Variants in CSMD1 observed in about 807,000 individuals in gnomAD.
The protein encoded by CSMD1 is CUB and sushi domain-containing protein 1.
In CSMD1, 213 loss-of-function variants were observed where a neutral mutation model predicts 417.5. That is an observed-to-expected ratio of 0.51 (90% CI 0.46 to 0.57). The LOEUF (loss-of-function observed/expected upper bound fraction) is 0.57, where lower values mean the gene tolerates loss of function less well. CSMD1 is among the 20% of genes least tolerant of loss of function. The pLI is 0.00. For missense variants in CSMD1, 6,923 were observed against 4,529.7 expected (o/e 1.53, Z -15.17); for synonymous variants, 2,862 against 1,736.8 (o/e 1.65, Z -16.11).
intron 2 of CSMD1, among the ~76,000 whole-genome samples, chr8:4,452,166 C>G (rs1225011203): frequency 6.6e-6 from 1 of 152,060 alleles, no homozygotes; most frequent in African/African-American, 2.4e-5. Flanking sequence ...GTTTCCATGC[C>G]TCTTCCTTCT....
chr8:4,177,062 T>G (rs764585937), intron 3 of CSMD1, among the ~76,000 whole-genome samples: 6 of 152,100 alleles, frequency 3.9e-5, no homozygotes, highest in East Asian at 3.9e-4. Flanking sequence ...ATTGAACTCA[T>G]CTCTGCACCA....
At chr8:4,959,455 A>G (rs961174947) in intron 1 of CSMD1, among the ~76,000 whole-genome samples, 3 of 152,238 alleles carry the variant, frequency 2.0e-5, no homozygotes, top group Admixed American at 2.0e-4. Context: ...CTAACCATGC[A>G]CAGAGAGGCA....
At chr8:3,490,874 A>G (rs2406293) in intron 11 of CSMD1, among the ~76,000 whole-genome samples, 1 of 135,894 alleles carries the variant, frequency 7.4e-6, no homozygotes, top group Non-Finnish European at 1.6e-5. Context: ...AAAAGAAAAA[A>G]ATTTTTTTTT....
chr8:4,854,449 C>G (rs1801672105), intron 1 of CSMD1, among the ~76,000 whole-genome samples: 1 of 152,146 alleles, frequency 6.6e-6, no homozygotes, highest in Non-Finnish European at 1.5e-5. Context: ...TCTACAGCTC[C>G]CACTGTGAGC....
chr8:4,291,585 A>G (rs542796034), intron 3 of CSMD1, among the ~76,000 whole-genome samples: 2 of 152,190 alleles, frequency 1.3e-5, no homozygotes, highest in African/African-American at 4.8e-5. Context: ...CTGAAGCGTA[A>G]TATTTAATTT....
chr8:3,942,202 G>A lies in CSMD1; in HGVS notation c.818+55701C>T, dbSNP rs185006964. 2.2e-3 allele frequency among the ~76,000 whole-genome samples: 329 copies of A among 151,980 alleles called. 2 individuals are homozygous for A. The highest frequency in any genetic ancestry group is 6.8e-3 in the Middle Eastern group (2 of 294). ...TGGGCTCCCACTGATTCTACATTATGGTGACTTGTATTATTTTCATCATAT... is the reference window on the plus strand; with the variant it reads ...TGGGCTCCCACTGATTCTACATTATAGTGACTTGTATTATTTTCATCATAT... On this transcript the variant is annotated intron_variant, in intron 5 of 69. Coordinates refer to ENST00000635120, the MANE Select transcript of CSMD1 (RefSeq NM_033225.6).
intron 7 of CSMD1, among the ~76,000 whole-genome samples, chr8:3,704,298 T>C (rs916586303): frequency 2.0e-5 from 3 of 152,086 alleles, no homozygotes; most frequent in African/African-American, 7.2e-5. Flanking sequence ...AGCCTTCTGT[T>C]CTTTGCGTGA....
chr8:3,319,606 A>T (rs1487367162), intron 23 of CSMD1, among the ~76,000 whole-genome samples: 1 of 152,230 alleles, frequency 6.6e-6, no homozygotes, highest in East Asian at 1.9e-4. Context: ...ACTTTTAAAA[A>T]GAAACATGAG....
At chr8:3,626,581 T>C (rs889187058) in intron 7 of CSMD1, among the ~76,000 whole-genome samples, 2 of 151,578 alleles carry the variant, frequency 1.3e-5, no homozygotes, top group Non-Finnish European at 2.9e-5. Flanking sequence ...TGTCATTCCC[T>C]AGATTTAGAA....
chr8:3,498,516 G>A (rs949436031), intron 10 of CSMD1, among the ~76,000 whole-genome samples: 10 of 152,150 alleles, frequency 6.6e-5, no homozygotes, highest in Admixed American at 6.5e-4. Flanking sequence ...TGATCTTTGA[G>A]CTTCCTGGAT....
intron 10 of CSMD1, among the ~76,000 whole-genome samples, chr8:3,510,742 C>T (rs1797030107): frequency 7.9e-5 from 12 of 151,772 alleles, no homozygotes; most frequent in Admixed American, 7.2e-4. Context: ...TTTTGATTTG[C>T]ATTTCTGTAA....
chr8:4,113,551 C>T (rs879657160), intron 3 of CSMD1, among the ~76,000 whole-genome samples: 6 of 151,950 alleles, frequency 3.9e-5, no homozygotes, highest in Admixed American at 2.6e-4. Context: ...ATTACAGGCA[C>T]GTGCCAGCAC....
At chr8:3,877,738 C>T (rs774000122) in intron 5 of CSMD1, among the ~76,000 whole-genome samples, 1 of 152,020 alleles carries the variant, frequency 6.6e-6, no homozygotes, top group Admixed American at 6.6e-5. Context: ...CAAGTTTGAC[C>T]GTTAATAATT....
At chr8:3,859,996 C>G (rs1394887345) in intron 5 of CSMD1, among the ~76,000 whole-genome samples, 4 of 151,998 alleles carry the variant, frequency 2.6e-5, no homozygotes, top group African/African-American at 9.7e-5. Context: ...TTTGGGAAAC[C>G]CAAACTTGGA....
intron 2 of CSMD1, among the ~76,000 whole-genome samples, chr8:4,563,325 C>A (rs1447775357): frequency 6.6e-6 from 1 of 152,186 alleles, no homozygotes; most frequent in African/African-American, 2.4e-5. Context: ...GGCGTGAACC[C>A]AGGAGATAGA....
At chr8:3,687,763 C>T (rs1800017971) in intron 7 of CSMD1, among the ~76,000 whole-genome samples, 1 of 152,136 alleles carries the variant, frequency 6.6e-6, no homozygotes, top group African/African-American at 2.4e-5. Context: ...GAGTAACGGC[C>T]AAGTCTGGCC....
At chr8:3,502,896 A>T (rs183480650) in intron 10 of CSMD1, among the ~76,000 whole-genome samples, 2 of 152,126 alleles carry the variant, frequency 1.3e-5, no homozygotes, top group Middle Eastern at 3.2e-3. Context: ...ATCATGCATG[A>T]ACAGCATGAA....
chr8:2,997,772 A>T (rs1807037567), intron 54 of CSMD1, among the ~76,000 whole-genome samples: 1 of 152,240 alleles, frequency 6.6e-6, no homozygotes, highest in Non-Finnish European at 1.5e-5. Flanking sequence ...ATAGAAGATG[A>T]GTTATCTTTA....
At chr8:3,020,328 G>A (rs1201513753) in intron 51 of CSMD1, among the ~76,000 whole-genome samples, 1 of 152,192 alleles carries the variant, frequency 6.6e-6, no homozygotes, top group Non-Finnish European at 1.5e-5. Context: ...TAATTCAAGT[G>A]AGGAAAATAA....
Sources: gnomAD v4.1 joint callset for allele counts (sites outside exome capture counted in the v4.1 genomes callset) on GRCh38, gnomAD v4.1.1 for gene constraint, MANE v1.5 for transcripts, NCBI Gene and HGNC (gene_info 2026-07-23, HGNC 2026-07-21) for gene names.